Variants in ATOX1 observed in about 807,000 individuals in gnomAD.
The protein encoded by ATOX1 is copper transport protein ATOX1.
A neutral mutation model predicts 7.3 loss-of-function variants in ATOX1; 4 were observed. That is an observed-to-expected ratio of 0.55 (90% CI 0.27 to 1.25). ATOX1 has a LOEUF of 1.25. Among genes scored for constraint, ATOX1 ranks in the 50% most tolerant of loss-of-function variants. The probability of loss-of-function intolerance (pLI) is 0.12; values close to 1 mark genes in which losing one functional copy is unlikely to be tolerated. For synonymous variants in ATOX1, 25 were observed against 28.7 expected (o/e 0.87, Z 0.41); for missense variants, 68 against 81.6 (o/e 0.83, Z 0.64).
At chr5:151,753,357 G>T (rs1420425176) in intron 1 of ATOX1, among the ~76,000 whole-genome samples, 1 of 152,200 alleles carries the variant, frequency 6.6e-6, no homozygotes, top group Non-Finnish European at 1.5e-5. Context: ...AAAGTTTTGG[G>T]ATAATTACTA....
chr5:151,751,579 C>T (rs1282034303), intron 2 of ATOX1, 125 bp downstream of exon 2: 11 of 875,408 alleles, frequency 1.3e-5, no homozygotes, highest in Non-Finnish European at 1.7e-5. Context: ...GTAGTTGGCA[C>T]GTGCTAAGTA....
At chr5:151,747,362 T>A (rs1394968925) in intron 2 of ATOX1, among the ~76,000 whole-genome samples, 1 of 152,096 alleles carries the variant, frequency 6.6e-6, no homozygotes, top group Non-Finnish European at 1.5e-5. Flanking sequence ...CACAAATCAC[T>A]GTATCCTTGA....
chr5:151,752,015 G>T, intron 1 of ATOX1: 1 of 598,624 alleles, frequency 1.7e-6, no homozygotes. Context: ...TCCTTTAGCA[G>T]TGTCTGGCAC....
intron 1 of ATOX1, among the ~76,000 whole-genome samples, chr5:151,752,832 T>C (rs1761968544): frequency 6.6e-6 from 1 of 152,158 alleles, no homozygotes; most frequent in African/African-American, 2.4e-5. Context: ...GATTTGTGAA[T>C]GGGATGAACA....
rs1561523964 is a variant in ATOX1, at chr5:151,758,583, G to GGCGGCGGTGTC, written c.-43_-33dup. On this transcript the variant is annotated 5_prime_UTR_variant, in exon 1 of 4. Transcript: ENST00000313115. ...GGCAGCGGCGGTGTGGCGGCGGTGT[G>GGCGGCGGTGTC]GCGGCGGTGTCAGCAGCGCCTCTCT... 7.1e-6 allele frequency: 10 copies of GGCGGCGGTGTC among 1,417,226 alleles called. No individual in the cohort carries two copies. The highest frequency in any genetic ancestry group is 1.5e-5 in the South Asian group (1 of 64,666). The allele number at this position is 1,417,226 out of a possible 1,614,324, so 87.8% of individuals were successfully genotyped here.
chr5:151,758,453 C>A (rs1453644835), intron 1 of ATOX1, 93 bp downstream of exon 1: 4 of 1,398,960 alleles, frequency 2.9e-6, no homozygotes, highest in Middle Eastern at 1.9e-4. Flanking sequence ...GCCGCCTGAG[C>A]CCTTCAAGAT....
chr5:151,744,971 C>T (rs2113174645), intron 3 of ATOX1: 1 of 152,314 alleles, frequency 6.6e-6, no homozygotes, highest in South Asian at 2.1e-4. Flanking sequence ...AAAAAGTCCC[C>T]AAAGTCAGTG....
rs1761961677 is a variant in ATOX1, at chr5:151,752,291, A to C, written c.7-512T>G. On this transcript the variant is annotated intron_variant, in intron 1 of 3. Transcript: ENST00000313115. ...GCTGGGGAATCTGTTATGTCTACTC[A>C]TTACCCCAGGTGATTCTGCTTTCAT... 5.7e-6 allele frequency: 4 copies of C among 702,382 alleles called. No homozygotes were observed. In the South Asian group the frequency reaches 5.9e-5, roughly 10 times the overall value. 43.5% of individuals were successfully genotyped at this position (702,382 alleles called of 1,614,324 possible). A position where few individuals can be genotyped will look rare whatever the true frequency, so the allele number is the denominator to read the frequency against.
At position 151,748,403 on chromosome 5, in the gene ATOX1, T is replaced by C. The variant is rs544774080; in HGVS notation, c.83-1954A>G. ...TGGCCTTTCCAGCTCAAGGATGCCA[T>C]CAGTCTGTGATTCCTCAGCCCTACC... On this transcript the variant is annotated intron_variant, in intron 2 of 3. Transcript: ENST00000313115. Among the ~76,000 whole-genome samples the C allele has an allele frequency of 2.0e-5, 3 of 152,172 alleles. No individual in the cohort carries two copies. The East Asian group carries it at 5.8e-4, about 29-fold the overall frequency.
intron 3 of ATOX1, chr5:151,745,455 T>TG (rs2113175109): frequency 6.6e-6 from 1 of 152,284 alleles, no homozygotes; most frequent in South Asian, 2.1e-4. Flanking sequence ...ATGCACTACA[T>TG]GGGCAGTGGC....
chr5:151,753,988 G>A (rs1291962691), intron 1 of ATOX1: 1 of 152,146 alleles, frequency 6.6e-6, no homozygotes, highest in Non-Finnish European at 1.5e-5. Flanking sequence ...CTTTTATTAA[G>A]GCCAAATCTG....
chr5:151,752,352 C>T (rs1370423823), intron 1 of ATOX1: 1 of 698,418 alleles, frequency 1.4e-6, no homozygotes, highest in African/African-American at 1.8e-5. Context: ...CATCTGGGTC[C>T]AGGGAAAGAA....
intron 1 of ATOX1, among the ~76,000 whole-genome samples, chr5:151,755,579 A>C (rs1048776226): frequency 2.6e-5 from 4 of 152,212 alleles, no homozygotes; most frequent in African/African-American, 9.7e-5. Flanking sequence ...AAGGACCTAA[A>C]GTCAACAGAT....
intron 3 of ATOX1, chr5:151,744,367 A>G (rs1055748789): frequency 6.6e-6 from 1 of 152,238 alleles, no homozygotes; most frequent in African/African-American, 2.4e-5. Flanking sequence ...GGTCATCACC[A>G]AGGTTTGATT....
chr5:151,748,299 G>A (rs1405032121), intron 2 of ATOX1, among the ~76,000 whole-genome samples: 3 of 152,202 alleles, frequency 2.0e-5, no homozygotes, highest in East Asian at 3.9e-4. Flanking sequence ...GCAGGGAGTC[G>A]GTGGGAGGAG....
intron 1 of ATOX1, among the ~76,000 whole-genome samples, chr5:151,756,425 TCTC>T (rs1762017586): frequency 1.3e-5 from 2 of 150,006 alleles, no homozygotes; most frequent in Non-Finnish European, 3.0e-5. Flanking sequence ...TCTCTTCTCT[TCTC>T]TTCTTTCTTT....
chr5:151,752,174 C>G (rs966919310), intron 1 of ATOX1: 10 of 690,026 alleles, frequency 1.4e-5, no homozygotes, highest in African/African-American at 1.0e-4. Context: ...CAATGCTGAT[C>G]TGGTGGGCCC....
chr5:151,749,683 G>GA (rs1205736758), intron 2 of ATOX1, among the ~76,000 whole-genome samples: 76 of 140,184 alleles, frequency 5.4e-4, no homozygotes, highest in East Asian at 1.6e-3. Flanking sequence ...AAAAGAAAAA[G>GA]AAAAAAAAAA....
In ATOX1 at chr5:151,758,578, G is replaced by T. The variant is rs747215739; in HGVS notation, c.-27C>A. 25 of 1,420,940 alleles carry T rather than the reference G, an allele frequency of 1.8e-5. No individual in the cohort carries two copies. The South Asian group carries it at 3.4e-4, about 19-fold the overall frequency. The allele number at this position is 1,420,940 out of a possible 1,614,324, so 88.0% of individuals were successfully genotyped here. On this transcript the variant is annotated 5_prime_UTR_variant, in exon 1 of 4. Transcript: ENST00000313115. ...ACTGAGGCAGCGGCGGTGTGGCGGC[G>T]GTGTGGCGGCGGTGTCAGCAGCGCC...
Sources: allele counts gnomAD v4.1 joint callset (sites outside exome capture counted in the v4.1 genomes callset), GRCh38; gene constraint gnomAD v4.1.1; transcripts MANE v1.5; gene names NCBI Gene and HGNC (gene_info 2026-07-23, HGNC 2026-07-21).